The following INPP4A variants were observed in gnomAD, a reference collection of about 807,000 sequenced individuals.
INPP4A encodes the protein inositol polyphosphate-4-phosphatase type I A.
A neutral mutation model predicts 119.8 loss-of-function variants in INPP4A; 33 were observed. The observed-to-expected ratio is 0.28, with a 90% CI of 0.21 to 0.37. INPP4A has a LOEUF of 0.37. Among genes scored for constraint, INPP4A ranks in the 10% least tolerant of loss-of-function variants. INPP4A has a pLI of 1.00. For missense variants in INPP4A, 956 were observed against 1,289.9 expected (o/e 0.74, Z 3.97); for synonymous variants, 496 against 500.7 (o/e 0.99, Z 0.12).
At position 98,587,844 on chromosome 2, in the gene INPP4A, A is replaced by C; in HGVS notation, c.*236A>C. On this transcript the variant is annotated 3_prime_UTR_variant, in exon 25 of 25. Coordinates refer to ENST00000409851, the MANE Select transcript of INPP4A (RefSeq NM_001134225.2). ...ATAGTGTGGATAGTAACAACTGCCTATTTAAATTAAATAGCCTTTGGCTGT... is the reference window on the plus strand; with the variant it reads ...ATAGTGTGGATAGTAACAACTGCCTCTTTAAATTAAATAGCCTTTGGCTGT... The C allele has an allele frequency of 2.6e-6, 1 of 386,090 alleles. No homozygotes were observed. The highest frequency in any genetic ancestry group is 5.2e-5 in the South Asian group (1 of 19,274). 23.9% of individuals were successfully genotyped at this position (386,090 alleles called of 1,614,324 possible).
chr2:98,519,080 G>A (rs1038044646), intron 2 of INPP4A, 55 bp downstream of exon 2: 1 of 152,270 alleles, frequency 6.6e-6, no homozygotes, highest in Admixed American at 6.5e-5. Context: ...TTCAGGCACA[G>A]GGTGTGGACA....
chr2:98,450,035 T>C (rs1000920146), intron 1 of INPP4A, among the ~76,000 whole-genome samples: 6 of 152,254 alleles, frequency 3.9e-5, no homozygotes, highest in African/African-American at 1.4e-4. Context: ...ATTGTGGAAG[T>C]TACGGTAACT....
At chr2:98,497,256 G>A (rs1219850297) in intron 1 of INPP4A, among the ~76,000 whole-genome samples, 1 of 152,256 alleles carries the variant, frequency 6.6e-6, no homozygotes, top group Non-Finnish European at 1.5e-5. Flanking sequence ...GAGGCTGTAT[G>A]GAAACTCCTG....
At chr2:98,467,918 G>A (rs546584013) in intron 1 of INPP4A, among the ~76,000 whole-genome samples, 17 of 152,116 alleles carry the variant, frequency 1.1e-4, no homozygotes, top group African/African-American at 4.1e-4. Flanking sequence ...TACCAACTTA[G>A]TGGTAATTTT....
chr2:98,568,097 C>T (rs375329227), intron 21 of INPP4A, among the ~76,000 whole-genome samples: 12 of 152,302 alleles, frequency 7.9e-5, no homozygotes, highest in Middle Eastern at 3.4e-3. Flanking sequence ...TGCACGATGA[C>T]GAAAGGGCAA....
chr2:98,465,701 T>C (rs1468519157), intron 1 of INPP4A, among the ~76,000 whole-genome samples: 1 of 152,156 alleles, frequency 6.6e-6, no homozygotes, highest in Non-Finnish European at 1.5e-5. Context: ...CATTTTGTCA[T>C]GTTGCTGGGC....
In INPP4A at chr2:98,473,952, C is replaced by T. The variant is rs527918734; in HGVS notation, c.-166+28867C>T. ...ATTCAAAAATTACAAAGTGATATAT[C>T]GAGAAGAATCACCTCTCCCACTTTG... On this transcript the variant is annotated intron_variant, in intron 1 of 24. Coordinates refer to ENST00000409851, the MANE Select transcript of INPP4A (RefSeq NM_001134225.2). Among the ~76,000 whole-genome samples, 200 of 152,268 alleles carry T rather than the reference C, an allele frequency of 1.3e-3. 1 individual carries two copies. The highest frequency in any genetic ancestry group is 3.4e-3 in the Middle Eastern group (1 of 292).
rs1237918120 is a variant in INPP4A at position 98,590,967 on chromosome 2, A to C, written c.*3359A>C. ...CCTTTATGATATTTCTATGTTTGTG[A>C]CTTCATTGGAATGTTGATCTATTTC... On this transcript the variant is annotated 3_prime_UTR_variant, in exon 25 of 25. Coordinates refer to ENST00000409851, the MANE Select transcript of INPP4A (RefSeq NM_001134225.2). The C allele has an allele frequency of 4.3e-6, 1 of 231,120 alleles. No homozygotes were observed. 14.3% of individuals were successfully genotyped at this position (231,120 alleles called of 1,614,324 possible). A position where few individuals can be genotyped will look rare whatever the true frequency, so the allele number is the denominator to read the frequency against.
rs778491448 is a variant in INPP4A at position 98,520,166 on chromosome 2, A to G, written c.106+12A>G. On this transcript the variant is annotated intron_variant, in intron 3 of 24. Transcript: ENST00000409851. ...CCTCTCTCTGGCAGGTGAGCCTCAC[A>G]GGGCCTGCACCGGGCTCCAGGTATG... The G allele has an allele frequency of 8.3e-5, 129 of 1,549,678 alleles. 1 individual carries two copies. The highest frequency in any genetic ancestry group is 1.1e-4 in the Non-Finnish European group (121 of 1,144,682).
Position 98,448,072 on chromosome 2 carries a change from A to G in INPP4A, c.-166+2987A>G, listed in dbSNP as rs568723895. Among the ~76,000 whole-genome samples, 342 of 147,162 alleles carry G rather than the reference A, an allele frequency of 2.3e-3. 1 individual carries two copies. The highest frequency in any genetic ancestry group is 5.6e-3 in the South Asian group (26 of 4,608). On this transcript the variant is annotated intron_variant, in intron 1 of 24. Transcript: ENST00000409851. ...AAAAAAAAAAAAAAAAAAAAAAATC[A>G]TGGCCGGGCGCAGTGGCTCATGCCT...
At chr2:98,549,337 T>C (rs1476745628) in intron 13 of INPP4A, among the ~76,000 whole-genome samples, 3 of 152,172 alleles carry the variant, frequency 2.0e-5, no homozygotes, top group Non-Finnish European at 2.9e-5. Flanking sequence ...TACAGGAGTC[T>C]TGTGGCTTTT....
At chr2:98,507,933 A>G (rs1190351410) in intron 1 of INPP4A, among the ~76,000 whole-genome samples, 2 of 152,114 alleles carry the variant, frequency 1.3e-5, no homozygotes, top group Non-Finnish European at 2.9e-5. Context: ...AGTTCCCATG[A>G]CTGTCCTTAC....
At chr2:98,465,235 G>T (rs1181934138) in intron 1 of INPP4A, among the ~76,000 whole-genome samples, 1 of 152,184 alleles carries the variant, frequency 6.6e-6, no homozygotes, top group African/African-American at 2.4e-5. Context: ...GCTTAGGGCG[G>T]AATCCATTCT....
At chr2:98,497,873 C>T (rs940845142) in intron 1 of INPP4A, among the ~76,000 whole-genome samples, 14 of 152,124 alleles carry the variant, frequency 9.2e-5, no homozygotes, top group Non-Finnish European at 1.3e-4. Context: ...TGCCTGGGAC[C>T]GGTAGCCCCT....
chr2:98,445,274 A>G (rs1026411390), intron 1 of INPP4A, among the ~76,000 whole-genome samples, 189 bp downstream of exon 1: 11 of 152,010 alleles, frequency 7.2e-5, no homozygotes, highest in East Asian at 1.9e-4. Context: ...TTTGAGAACA[A>G]TCCGAGCCCG....
chr2:98,483,493 T>A (rs535634240), intron 1 of INPP4A, among the ~76,000 whole-genome samples: 1 of 152,128 alleles, frequency 6.6e-6, no homozygotes, highest in Non-Finnish European at 1.5e-5. Flanking sequence ...ATGGATCATG[T>A]TCCCCCCCGG....
intron 19 of INPP4A, among the ~76,000 whole-genome samples, chr2:98,565,413 G>T (rs923796237): frequency 3.3e-5 from 5 of 152,166 alleles, no homozygotes; most frequent in Admixed American, 1.3e-4. Context: ...GGGATGGCGC[G>T]TGTTTCCACC....
At position 98,538,938 on chromosome 2, in the gene INPP4A, A is replaced by G. The variant is rs1278845623; in HGVS notation, c.627A>G (p.Arg209=). 1 of 1,612,032 alleles carries G rather than the reference A, an allele frequency of 6.2e-7. No individual in the cohort carries two copies. Among genetic ancestry groups the G allele is most frequent in the Non-Finnish European group, 8.5e-7 (1 of 1,178,756 alleles). ...GCTTGACGGAGGCGTTAGGAATCCG[A>G]TCCAAATACGCTTCATTGCGAAAGG... ...DESLTEALGI[R]SKYASLRKDT... is the part of the protein sequence containing the mutation. Residue 209 remains arginine (R), a synonymous_variant, in exon 9 of 25, where the codon CGA becomes CGG. Coordinates refer to ENST00000409851, the MANE Select transcript of INPP4A (RefSeq NM_001134225.2).
chr2:98,565,977 C>A, intron 20 of INPP4A, 52 bp from the exon 21 acceptor site: 1 of 1,570,794 alleles, frequency 6.4e-7, no homozygotes. Context: ...CTGCAGCCTG[C>A]TCGGTGGCCC....
Sources: gnomAD v4.1 joint callset for allele counts (sites outside exome capture counted in the v4.1 genomes callset) on GRCh38, gnomAD v4.1.1 for gene constraint, MANE v1.5 for transcripts, NCBI Gene and HGNC (gene_info 2026-07-23, HGNC 2026-07-21) for gene names.